DNAH2: variants seen among roughly 807,000 people sequenced by gnomAD.
The protein encoded by DNAH2 is dynein axonemal heavy chain 2, also known as axonemal beta dynein heavy chain 2.
In DNAH2, 323 loss-of-function variants were observed where a neutral mutation model predicts 523.5. The observed-to-expected ratio is 0.62, with a 90% CI of 0.56 to 0.68. DNAH2 has a LOEUF of 0.68. Among genes scored for constraint, DNAH2 ranks in the 30% least tolerant of loss-of-function variants. The pLI is 0.00. For missense variants in DNAH2, 4,907 were observed against 5,701.5 expected, an observed-to-expected ratio of 0.86 and a Z score of 4.49; for synonymous variants, 2,093 against 2,177.4, an observed-to-expected ratio of 0.96 and a Z score of 1.08.
chr17:7,776,665 G>A, intron 31 of DNAH2, 114 bp from the exon 32 acceptor site: 1 of 743,060 alleles, frequency 1.3e-6, no homozygotes, highest in Non-Finnish European at 2.3e-6. Context: ...CTTCAGAGCA[G>A]ATTGGGTGCA....
Position 7,797,464 on chromosome 17 carries a change from A to C in DNAH2, c.8014A>C (p.Lys2672Gln). The C allele has an allele frequency of 1.2e-6, 2 of 1,614,186 alleles. No individual in the cohort carries two copies. The highest frequency in any genetic ancestry group is 1.7e-6 in the Non-Finnish European group (2 of 1,180,042). Reference sequence around the variant, plus strand: ...AGCCTTCATGGGCATCATAAGCGACAAGCTCGGCTCCTTCTTTGACCTCAC... The same window carrying C: ...AGCCTTCATGGGCATCATAAGCGACCAGCTCGGCTCCTTCTTTGACCTCAC... Reference protein sequence around the residue: ...TEAFMGIISDKLGSFFDLTFH... With the variant: ...TEAFMGIISDQLGSFFDLTFH... Residue 2672 changes from lysine to glutamine, a missense_variant, in exon 52 of 86, where the codon AAG becomes CAG. By Grantham distance (53) the Lys-to-Gln change is moderately conservative. Around this residue, in one of 3 missense-constraint regions of DNAH2, gnomAD observed 250 missense variants for 371.3 expected, o/e 0.67. Coordinates refer to ENST00000572933, the MANE Select transcript of DNAH2 (RefSeq NM_020877.5).
Position 7,731,767 on chromosome 17 carries a change from G to A in DNAH2, c.400-1320G>A, listed in dbSNP as rs190475892. Reference sequence around the variant, plus strand: ...GACATGGCCGGGCACAGTGGCTCACGCCTATAATCCTAGCACTTTGGGAGG... The same window carrying A: ...GACATGGCCGGGCACAGTGGCTCACACCTATAATCCTAGCACTTTGGGAGG... On this transcript the variant is annotated intron_variant, in intron 4 of 85. Coordinates refer to ENST00000572933, the MANE Select transcript of DNAH2 (RefSeq NM_020877.5). Among the ~76,000 whole-genome samples, 387 of 152,164 alleles carry A rather than the reference G, an allele frequency of 2.5e-3. 8 individuals carry two copies. The South Asian group carries it at 0.035, about 14-fold the overall frequency.
At chr17:7,797,960 C>T (rs2077112815) in intron 53 of DNAH2, 131 bp downstream of exon 53, 2 of 1,405,344 alleles carry the variant, frequency 1.4e-6, no homozygotes, top group South Asian at 1.4e-5. Flanking sequence ...CCCCAGATGC[C>T]CTGTGGCAGT....
rs111592711 is a variant in DNAH2 at position 7,819,250 on chromosome 17, C to T, written c.10857C>T (p.Phe3619=). 94 of 1,613,970 alleles carry T rather than the reference C, an allele frequency of 5.8e-5. No individual in the cohort carries two copies. The African/African-American group carries it at 1.1e-3, about 19-fold the overall frequency. Residue 3619 remains phenylalanine (F), a synonymous_variant, in exon 72 of 86, where the codon TTC becomes TTT. Coordinates refer to ENST00000572933, the MANE Select transcript of DNAH2 (RefSeq NM_020877.5). The stretch of plus-strand genomic sequence containing the variant: ...CCCAGCGGGCATCAATCCTGTTCTT[C>T]GTGCTCAATGATATGGGCTGCATCG... ...PCAQRASILF[F]VLNDMGCIDP... is the part of the protein sequence containing the mutation.
chr17:7,736,055 A>G (rs2151142360), intron 7 of DNAH2, among the ~76,000 whole-genome samples: 1 of 151,908 alleles, frequency 6.6e-6, no homozygotes, highest in Middle Eastern at 3.4e-3. Context: ...GCCCGGCCTA[A>G]TTTTTAAATT....
Position 7,776,864 on chromosome 17 carries a change from T to C in DNAH2, c.5033T>C (p.Ile1678Thr), listed in dbSNP as rs750469703. 1.9e-6 allele frequency: 3 copies of C among 1,611,190 alleles called. No individual in the cohort carries two copies. Among genetic ancestry groups the C allele is most frequent in the Non-Finnish European group, 2.5e-6 (3 of 1,178,310 alleles). ...LTAKERADKK[I>T]LKVMKKNQVS... is the part of the protein sequence containing the mutation. ...GCGAAGGAGCGGGCAGACAAGAAAA[T>C]CCTCAAGGTCATGAAGAAGAACCAG... Residue 1678 changes from isoleucine to threonine, a missense_variant, in exon 32 of 86, where the codon ATC becomes ACC. Ile to Thr is a moderately conservative substitution (Grantham distance 89). This residue lies in a region of DNAH2 where 2,806 missense variants were observed against 3,190.8 expected (regional missense o/e 0.88). Coordinates refer to ENST00000572933, the MANE Select transcript of DNAH2 (RefSeq NM_020877.5).
chr17:7,793,106 G>A lies in DNAH2; in HGVS notation c.7470G>A (p.Lys2490=), dbSNP rs145979440. ...TFMDDLNMPA[K]DMFGSQPPLE... ...TGGATGACCTAAATATGCCCGCTAA[G>A]GACATGTTTGGGTCCCAGCCACCCC... Residue 2490 remains lysine, a synonymous_variant, in exon 48 of 86, where the codon AAG becomes AAA. Coordinates refer to ENST00000572933, the MANE Select transcript of DNAH2 (RefSeq NM_020877.5). 5.0e-6 allele frequency: 8 copies of A among 1,614,068 alleles called. No individual in the cohort carries two copies. The African/African-American group carries it at 1.1e-4, about 22-fold the overall frequency.
At position 7,781,218 on chromosome 17, in the gene DNAH2, T is replaced by C. The variant is rs778013398; in HGVS notation, c.6129+51T>C. On this transcript the variant is annotated intron_variant, in intron 39 of 85. Transcript: ENST00000572933. ...GACCGGGTGCTGTGGCTCATGGTTG[T>C]AATCCCAGCACTTTGGGAGGCCGAG... 3.1e-6 allele frequency: 5 copies of C among 1,608,176 alleles called. No individual in the cohort carries two copies. The Admixed American group carries it at 6.7e-5, about 21-fold the overall frequency.
intron 18 of DNAH2, among the ~76,000 whole-genome samples, chr17:7,763,351 G>A (rs1199115759): frequency 1.3e-5 from 2 of 152,114 alleles, no homozygotes; most frequent in South Asian, 2.1e-4. Flanking sequence ...GTAGAGATGG[G>A]GTTTCACCGT....
chr17:7,769,845 C>T lies in DNAH2; in HGVS notation c.3942-407C>T, dbSNP rs780306173. ...TTAAGTGTTATACGGTTATGTATAACCTAACCACTTTATTTGCTTACATTA... is the reference window on the plus strand; with the variant it reads ...TTAAGTGTTATACGGTTATGTATAATCTAACCACTTTATTTGCTTACATTA... On this transcript the variant is annotated intron_variant, in intron 24 of 85. Transcript: ENST00000572933. Among the ~76,000 whole-genome samples, 14 of 152,174 alleles carry T rather than the reference C, an allele frequency of 9.2e-5. 1 individual carries two copies. Among genetic ancestry groups the T allele is most frequent in the Admixed American group, 3.3e-4 (5 of 15,278 alleles).
intron 3 of DNAH2, among the ~76,000 whole-genome samples, chr17:7,726,245 A>T (rs1187048512): frequency 6.6e-6 from 1 of 151,430 alleles, no homozygotes; most frequent in Non-Finnish European, 1.5e-5. Flanking sequence ...ACCTCAGGTG[A>T]TCCACCCGCC....
chr17:7,786,219 C>T lies in DNAH2; in HGVS notation c.6225C>T (p.Asn2075=). 1 of 1,613,506 alleles carries T rather than the reference C, an allele frequency of 6.2e-7. No individual in the cohort carries two copies. Among genetic ancestry groups the T allele is most frequent in the South Asian group, 1.1e-5 (1 of 91,082 alleles). The change falls in exon 40 of 86, where the codon AAC becomes AAT. Residue 2075 remains asparagine, a synonymous_variant. Coordinates refer to ENST00000572933, the MANE Select transcript of DNAH2 (RefSeq NM_020877.5). This position sits in a 1 kb window ranked among gnomAD's most constrained non-coding sequence, Gnocchi z 7.5. ...TKVFQLYETK[N]SRHSTMIVGC... The stretch of plus-strand genomic sequence containing the variant: ...TTTTCCAGTTGTATGAAACCAAGAA[C>T]TCCCGCCACTCCACCATGATCGTGG...
chr17:7,743,014 T>C lies in DNAH2; in HGVS notation c.1776T>C (p.Asp592=). The C allele has an allele frequency of 6.6e-7, 1 of 1,523,242 alleles. No individual in the cohort carries two copies. Among genetic ancestry groups the C allele is most frequent in the Non-Finnish European group, 8.8e-7 (1 of 1,139,466 alleles). 94.4% of individuals were successfully genotyped at this position (1,523,242 alleles called of 1,614,324 possible). A position where few individuals can be genotyped will look rare whatever the true frequency, so the allele number is the denominator to read the frequency against. The part of the protein sequence containing the change: ...HTYQQMVQAI[D]ELVRKTFQEW... ...ATCAGCAGATGGTCCAGGCCATTGA[T>C]GAGCTGGTTCGAAAAACCTTCCAAG... is the stretch of plus-strand genomic sequence containing the variant. Residue 592 remains aspartate, a synonymous_variant, in exon 12 of 86, where the codon GAT becomes GAC. Transcript: ENST00000572933.
chr17:7,750,730 T>A (rs1474698134), intron 12 of DNAH2, among the ~76,000 whole-genome samples: 1 of 152,182 alleles, frequency 6.6e-6, no homozygotes, highest in Non-Finnish European at 1.5e-5. Context: ...TTAGCAGTTT[T>A]AAAAATACCA....
intron 58 of DNAH2, among the ~76,000 whole-genome samples, chr17:7,803,920 T>C (rs2077291545): frequency 6.6e-6 from 1 of 152,212 alleles, no homozygotes; most frequent in Non-Finnish European, 1.5e-5. Flanking sequence ...CTGCCTGCCC[T>C]GGGCCAGCCC....
At chr17:7,788,053 G>A in intron 43 of DNAH2, 33 bp from the exon 44 acceptor site, 1 of 1,613,834 alleles carries the variant, frequency 6.2e-7, no homozygotes, top group South Asian at 1.1e-5. Context: ...GGACACAAGG[G>A]TGAATGAAGA....
chr17:7,740,707 G>A (rs1372953211), intron 10 of DNAH2, 103 bp from the exon 11 acceptor site: 2 of 1,535,678 alleles, frequency 1.3e-6, no homozygotes, highest in Non-Finnish European at 1.8e-6. Flanking sequence ...GCGTCCCCGG[G>A]AGTGTGACTC....
intron 4 of DNAH2, among the ~76,000 whole-genome samples, chr17:7,729,471 C>T (rs1242929212): frequency 6.6e-6 from 1 of 152,050 alleles, no homozygotes; most frequent in Admixed American, 6.6e-5. Flanking sequence ...GCTCTTGTTG[C>T]CCAGCCTGGA....
intron 11 of DNAH2, among the ~76,000 whole-genome samples, chr17:7,741,425 T>G (rs1388775949): frequency 6.7e-6 from 1 of 150,102 alleles, no homozygotes; most frequent in Non-Finnish European, 1.5e-5. Flanking sequence ...TGGCTCGATC[T>G]CAGCTCACTG....
Sources: allele counts gnomAD v4.1 joint callset (sites outside exome capture counted in the v4.1 genomes callset), GRCh38; gene constraint gnomAD v4.1.1; regional missense constraint gnomAD v4.1.1; non-coding constraint Gnocchi (gnomAD v3.1); transcripts MANE v1.5; gene names NCBI Gene and HGNC (gene_info 2026-07-23, HGNC 2026-07-21).